The following RORA variants were observed in gnomAD, a reference collection of about 807,000 sequenced individuals.
RORA encodes RAR related orphan receptor A, also known as nuclear receptor ROR-alpha.
In RORA, 7 loss-of-function variants were observed where a neutral mutation model predicts 69.5. The observed-to-expected ratio is 0.10, with a 90% CI of 0.06 to 0.19. The LOEUF is 0.19. Ranked by LOEUF, RORA falls within the 10% of genes least tolerant of loss-of-function variation. The probability of loss-of-function intolerance (pLI) is 1.00; values close to 1 mark genes in which losing one functional copy is unlikely to be tolerated. For missense variants in RORA, 457 were observed against 663.0 expected (o/e 0.69, Z 3.41); for synonymous variants, 261 against 240.8 (o/e 1.08, Z -0.78).
intron 3 of RORA, among the ~76,000 whole-genome samples, chr15:60,516,270 T>TATATA (rs1407442224): frequency 9.6e-6 from 1 of 103,836 alleles, no homozygotes; most frequent in Non-Finnish European, 1.8e-5. Flanking sequence ...TATTTATATA[T>TATATA]TTTTTTTGGT....
At chr15:60,814,993 T>C (rs1326756132) in intron 1 of RORA, among the ~76,000 whole-genome samples, 3 of 152,118 alleles carry the variant, frequency 2.0e-5, no homozygotes, top group Non-Finnish European at 2.9e-5. Flanking sequence ...TGTTCAAAAG[T>C]AGGACACATG....
intron 1 of RORA, among the ~76,000 whole-genome samples, chr15:60,819,917 T>G (rs758138251): frequency 6.6e-6 from 1 of 152,158 alleles, no homozygotes; most frequent in Non-Finnish European, 1.5e-5. Flanking sequence ...TCTGAACCGA[T>G]CCTGCCTGCT....
At chr15:60,854,029 C>T (rs1422128155) in intron 1 of RORA, among the ~76,000 whole-genome samples, 6 of 152,066 alleles carry the variant, frequency 3.9e-5, no homozygotes, top group Non-Finnish European at 7.4e-5. Flanking sequence ...TTTGGGAGGC[C>T]AAGGCAGGTG....
intron 1 of RORA, among the ~76,000 whole-genome samples, chr15:60,730,717 A>G (rs2071419037): frequency 6.6e-6 from 1 of 152,178 alleles, no homozygotes; most frequent in Admixed American, 6.5e-5. Flanking sequence ...TCATGGATTC[A>G]TTTCCAAGTC....
intron 1 of RORA, among the ~76,000 whole-genome samples, chr15:60,786,655 A>AG (rs1313069507): frequency 2.0e-5 from 3 of 152,206 alleles, no homozygotes; most frequent in African/African-American, 4.8e-5. Context: ...ACAGAGACCC[A>AG]GGGGAAAGGA....
intron 1 of RORA, among the ~76,000 whole-genome samples, chr15:60,759,741 G>T (rs1184853451): frequency 1.3e-5 from 2 of 152,214 alleles, no homozygotes; most frequent in South Asian, 4.1e-4. Context: ...CTCAGGAGCT[G>T]CCAGTTTCAT....
At chr15:60,889,299 T>G (rs2140455890) in intron 1 of RORA, among the ~76,000 whole-genome samples, 1 of 144,190 alleles carries the variant, frequency 6.9e-6, no homozygotes, top group Middle Eastern at 3.8e-3. Context: ...AGCTTCCTTT[T>G]GCAGAAGAGG....
At chr15:60,545,411 C>T (rs972659619) in intron 2 of RORA, among the ~76,000 whole-genome samples, 3 of 152,164 alleles carry the variant, frequency 2.0e-5, no homozygotes, top group Non-Finnish European at 2.9e-5. Context: ...CCTGTCCCCA[C>T]GCTTCAAAAT....
intron 1 of RORA, among the ~76,000 whole-genome samples, chr15:60,896,832 T>C (rs1595800365): frequency 6.7e-6 from 1 of 150,368 alleles, no homozygotes; most frequent in East Asian, 2.0e-4. Flanking sequence ...CCTAGCACCA[T>C]GAAGTTGGGC....
intron 1 of RORA, among the ~76,000 whole-genome samples, chr15:61,069,211 A>T (rs1489979899): frequency 6.6e-6 from 1 of 152,238 alleles, no homozygotes; most frequent in African/African-American, 2.4e-5. Context: ...GCACTTATGT[A>T]AAAAATCTAC....
chr15:60,789,722 T>C (rs1206009145), intron 1 of RORA, among the ~76,000 whole-genome samples: 1 of 152,198 alleles, frequency 6.6e-6, no homozygotes, highest in Admixed American at 6.5e-5. Flanking sequence ...AATAAATTAC[T>C]AGGGGCATTC....
intron 1 of RORA, among the ~76,000 whole-genome samples, chr15:60,711,800 C>G (rs2071147820): frequency 1.3e-5 from 2 of 152,182 alleles, no homozygotes; most frequent in Non-Finnish European, 2.9e-5. Flanking sequence ...CAAACCCTGT[C>G]AGCAACCCAC....
chr15:60,579,216 G>T (rs779598073), intron 2 of RORA, among the ~76,000 whole-genome samples: 1 of 152,006 alleles, frequency 6.6e-6, no homozygotes, highest in Non-Finnish European at 1.5e-5. Flanking sequence ...AATGGTCACC[G>T]TAGTAAAAAG....
chr15:60,809,785 T>C (rs546624924), intron 1 of RORA, among the ~76,000 whole-genome samples: 18 of 78,664 alleles, frequency 2.3e-4, no homozygotes, highest in African/African-American at 1.0e-3. Context: ...CTGTATAATA[T>C]TATGTTTTTT....
At chr15:60,620,980 A>G (rs183199600) in intron 2 of RORA, among the ~76,000 whole-genome samples, 1 of 152,348 alleles carries the variant, frequency 6.6e-6, no homozygotes, top group East Asian at 1.9e-4. Flanking sequence ...CACAGGCACC[A>G]GCTCTTCAGG....
Position 60,841,473 on chromosome 15 carries a change from T to C in RORA, c.167-162787A>G, listed in dbSNP as rs2073197486. ...CTGTGGCTCTTTCTTGTTTTCTCTC[T>C]CCCTCTCTCTCTCTCCTTTCTTGGG... is the stretch of plus-strand genomic sequence containing the variant. On this transcript the variant is annotated intron_variant, in intron 1 of 10. Transcript: ENST00000335670. Among the ~76,000 whole-genome samples the C allele has an allele frequency of 3.9e-5, 6 of 152,252 alleles. No homozygotes were observed. In the South Asian group the frequency reaches 1.2e-3, roughly 32 times the overall value.
chr15:61,117,252 G>A (rs1476903944), intron 1 of RORA, among the ~76,000 whole-genome samples: 1 of 149,440 alleles, frequency 6.7e-6, no homozygotes, highest in Non-Finnish European at 1.5e-5. Flanking sequence ...AGGATTGCAA[G>A]GCACAAAGAT....
At chr15:60,671,067 GATATATATATATATATATATAT>G (rs10577286) in intron 2 of RORA, among the ~76,000 whole-genome samples, 2 of 122,310 alleles carry the variant, frequency 1.6e-5, no homozygotes, top group African/African-American at 8.1e-5. Context: ...ATATCCCATT[GATATATATATATATATATATAT>G]ATATATATCT....
At chr15:60,931,074 C>T (rs1892360574) in intron 1 of RORA, among the ~76,000 whole-genome samples, 1 of 152,162 alleles carries the variant, frequency 6.6e-6, no homozygotes, top group African/African-American at 2.4e-5. Flanking sequence ...AGGGGGAAGA[C>T]CACATGGAAG....
Sources: allele counts gnomAD v4.1 joint callset (sites outside exome capture counted in the v4.1 genomes callset), GRCh38; gene constraint gnomAD v4.1.1; transcripts MANE v1.5; gene names NCBI Gene and HGNC (gene_info 2026-07-23, HGNC 2026-07-21).